MAGI1: variants seen among roughly 807,000 people sequenced by gnomAD.
MAGI1 encodes the protein membrane associated guanylate kinase, WW and PDZ domain containing 1.
MAGI1 carries 58 observed loss-of-function variants against 139.9 expected under a neutral mutation model. The ratio of observed to expected loss-of-function variants is 0.41; its 90% CI spans 0.34 to 0.52. The LOEUF is 0.52. Among genes scored for constraint, MAGI1 ranks in the 20% least tolerant of loss-of-function variants. MAGI1 has a pLI of 0.12. For missense variants in MAGI1, 1,874 were observed against 1,901.6 expected (o/e 0.99, Z 0.27); for synonymous variants, 812 against 737.9 (o/e 1.10, Z -1.63).
intron 2 of MAGI1, among the ~76,000 whole-genome samples, chr3:65,534,887 G>A (rs949228896): frequency 6.6e-6 from 1 of 152,096 alleles, no homozygotes; most frequent in Middle Eastern, 3.2e-3. Flanking sequence ...GAGCCTCTAC[G>A]GGGTGAGTTT....
At chr3:65,591,182 G>A (rs1276601330) in intron 2 of MAGI1, among the ~76,000 whole-genome samples, 1 of 152,074 alleles carries the variant, frequency 6.6e-6, no homozygotes, top group Non-Finnish European at 1.5e-5. Context: ...TGAGAGTCCT[G>A]ACTGTCAAGC....
chr3:65,359,301 CCAGT>C, intron 22 of MAGI1: 1 of 1,456,838 alleles, frequency 6.9e-7, no homozygotes, highest in Non-Finnish European at 9.0e-7. Flanking sequence ...GTTTATTTGT[CCAGT>C]CAGACAGTCT....
intron 1 of MAGI1, among the ~76,000 whole-genome samples, chr3:65,973,674 T>C (rs1183447388): frequency 6.6e-6 from 1 of 152,230 alleles, no homozygotes; most frequent in Non-Finnish European, 1.5e-5. Flanking sequence ...TTATTCTAAA[T>C]CTTAGTTTCA....
intron 1 of MAGI1, among the ~76,000 whole-genome samples, chr3:65,969,901 G>C (rs1490814403): frequency 2.0e-5 from 3 of 152,150 alleles, no homozygotes; most frequent in Admixed American, 1.3e-4. Context: ...TAAGTACTGA[G>C]AGCATTTAAG....
At chr3:65,368,036 T>C (rs950833441) in intron 18 of MAGI1, among the ~76,000 whole-genome samples, 1 of 152,220 alleles carries the variant, frequency 6.6e-6, no homozygotes, top group Non-Finnish European at 1.5e-5. Flanking sequence ...AATGAACTTT[T>C]ACTTCTTCAT....
chr3:65,936,141 GA>G (rs2063039690), intron 1 of MAGI1, among the ~76,000 whole-genome samples: 1 of 152,008 alleles, frequency 6.6e-6, no homozygotes, highest in African/African-American at 2.4e-5. Flanking sequence ...AAAATCAATG[GA>G]AAGCCATGGA....
intron 1 of MAGI1, among the ~76,000 whole-genome samples, chr3:65,811,918 G>T (rs912778875): frequency 1.8e-5 from 2 of 111,474 alleles, no homozygotes; most frequent in African/African-American, 7.1e-5. Context: ...TAAATCTTTT[G>T]TATGTTTACG....
In MAGI1 at chr3:65,356,712, T is replaced by C. The variant is rs1940219206; in HGVS notation, c.4055A>G (p.Glu1352Gly). Residue 1352 changes from glutamate to glycine, a missense_variant, in exon 23 of 23, where the codon GAG becomes GGG. Glu to Gly is a moderately conservative substitution (Grantham distance 98). Around this residue, in one of 5 missense-constraint regions of MAGI1, gnomAD observed 653 missense variants for 644.5 expected, o/e 1.01. Transcript: ENST00000402939. ...KHEKRRDVSPERRRERSPTRR... is the reference protein window; with the variant it reads ...KHEKRRDVSPGRRRERSPTRR... ...GGTGGGTGACCGCTCTCGCCTCCGC[T>C]CCGGAGAGACGTCTCGTCTCTTCTC... 6.3e-7 allele frequency: 1 copy of C among 1,593,440 alleles called. No individual in the cohort carries two copies. The highest frequency in any genetic ancestry group is 1.1e-5 in the South Asian group (1 of 87,292).
intron 1 of MAGI1, among the ~76,000 whole-genome samples, chr3:65,918,718 G>A (rs1291424593): frequency 2.6e-5 from 4 of 152,026 alleles, no homozygotes; most frequent in Non-Finnish European, 5.9e-5. Context: ...GCCAACAAAT[G>A]AGTTGTTTTC....
chr3:65,545,299 G>T (rs1158761144), intron 2 of MAGI1, among the ~76,000 whole-genome samples: 1 of 152,130 alleles, frequency 6.6e-6, no homozygotes, highest in Non-Finnish European at 1.5e-5. Flanking sequence ...TGATGGTTCA[G>T]CCAAAGAGAG....
intron 6 of MAGI1, among the ~76,000 whole-genome samples, chr3:65,452,346 T>G (rs1039337810): frequency 1.3e-5 from 2 of 152,140 alleles, no homozygotes; most frequent in Non-Finnish European, 2.9e-5. Flanking sequence ...AATCTTCAAG[T>G]TTATATATAC....
chr3:65,533,457 C>T (rs1576222881), intron 2 of MAGI1, among the ~76,000 whole-genome samples: 1 of 152,266 alleles, frequency 6.6e-6, no homozygotes, highest in Admixed American at 6.5e-5. Flanking sequence ...ATTTTTGGAT[C>T]CATTTCTTAA....
intron 2 of MAGI1, among the ~76,000 whole-genome samples, chr3:65,616,634 GT>G (rs2083384636): frequency 3.3e-5 from 5 of 152,168 alleles, no homozygotes; most frequent in Non-Finnish European, 5.9e-5. Context: ...ACAGCCCTTA[GT>G]TTAGATAGAG....
rs1000979654 is a variant in MAGI1 at position 65,527,072 on chromosome 3, T to G, written c.431-33441A>C. On this transcript the variant is annotated intron_variant, in intron 2 of 22. Transcript: ENST00000402939. ...ATTCACGTATCTTCTCTTCTTCCAT[T>G]GGTGATTGTCTTGACTTCTCAAACA... Among the ~76,000 whole-genome samples, 23 of 152,250 alleles carry G rather than the reference T, an allele frequency of 1.5e-4. 1 individual carries two copies. The highest frequency in any genetic ancestry group is 1.3e-3 in the Admixed American group (20 of 15,284).
In MAGI1 at chr3:66,038,172, G is replaced by A; in HGVS notation, c.137C>T (p.Ala46Val). The change falls in exon 1 of 23, where the codon GCG becomes GTG. Residue 46 changes from alanine (A) to valine (V), a missense_variant. Physicochemically the swap from Ala to Val is moderately conservative, Grantham distance 64. Coordinates refer to ENST00000402939, the MANE Select transcript of MAGI1 (RefSeq NM_001033057.2). The stretch of plus-strand genomic sequence containing the variant: ...CCCCGCTGCCTCGACCGCCGCCACC[G>A]CTCCGACGTACGGAAACTCCCCGTG... The part of the protein sequence containing the change: ...AEHGEFPYVG[A>V]VAAVEAAGLP... 6.2e-7 allele frequency: 1 copy of A among 1,611,982 alleles called. No homozygotes were observed. The highest frequency in any genetic ancestry group is 8.5e-7 in the Non-Finnish European group (1 of 1,179,524).
At chr3:65,517,829 G>A (rs1409550169) in intron 2 of MAGI1, among the ~76,000 whole-genome samples, 1 of 152,030 alleles carries the variant, frequency 6.6e-6, no homozygotes, top group Non-Finnish European at 1.5e-5. Context: ...TATTTCCTTT[G>A]TGTGACCTCA....
chr3:65,519,263 A>G lies in MAGI1; in HGVS notation c.431-25632T>C, dbSNP rs144368836. Among the ~76,000 whole-genome samples the G allele has an allele frequency of 3.2e-3, 486 of 152,194 alleles. 2 individuals carry two copies. The highest frequency in any genetic ancestry group is 0.011 in the African/African-American group (474 of 41,504). On this transcript the variant is annotated intron_variant, in intron 2 of 22. Transcript: ENST00000402939. ...ACAACACAGAGAGATAGAGGCCACC[A>G]TAAGGACTTTGTATCTTATGAGGAA...
chr3:65,523,299 G>C (rs762989033), intron 2 of MAGI1, among the ~76,000 whole-genome samples: 1 of 152,138 alleles, frequency 6.6e-6, no homozygotes, highest in Non-Finnish European at 1.5e-5. Context: ...ATGAGGCCAT[G>C]CTCTAGTTTA....
Position 65,356,233 on chromosome 3 carries a change from T to G in MAGI1, c.*145A>C, listed in dbSNP as rs370683168. 9 of 741,374 alleles carry G rather than the reference T, an allele frequency of 1.2e-5. No individual in the cohort carries two copies. The highest frequency in any genetic ancestry group is 5.7e-5 in the Admixed American group (2 of 35,136). 45.9% of individuals were successfully genotyped at this position (741,374 alleles called of 1,614,324 possible). A position where few individuals can be genotyped will look rare whatever the true frequency, so the allele number is the denominator to read the frequency against. ...TTCATATATATTTTTTCTTATAAGA[T>G]TTCAAATGCATAAAATGTTTGTTGT... On this transcript the variant is annotated 3_prime_UTR_variant, in exon 23 of 23. Coordinates refer to ENST00000402939, the MANE Select transcript of MAGI1 (RefSeq NM_001033057.2).
Sources: gnomAD v4.1 joint callset for allele counts (sites outside exome capture counted in the v4.1 genomes callset) on GRCh38, gnomAD v4.1.1 for gene constraint, gnomAD v4.1.1 regional missense constraint, MANE v1.5 for transcripts, NCBI Gene and HGNC (gene_info 2026-07-23, HGNC 2026-07-21) for gene names.